Variants in ATXN1 observed in about 807,000 individuals in gnomAD.
ATXN1 encodes ataxin-1.
In ATXN1, 8 loss-of-function variants were observed where a neutral mutation model predicts 56.4. The ratio of observed to expected loss-of-function variants is 0.14; its 90% confidence interval spans 0.08 to 0.26. The LOEUF is 0.26. ATXN1 is among the 10% of genes least tolerant of loss of function. The pLI, the probability that ATXN1 is intolerant of heterozygous loss-of-function variation, is 1.00. For synonymous variants in ATXN1, 514 were observed against 494.6 expected, an observed-to-expected ratio of 1.04 and a Z score of -0.52; for missense variants, 987 against 1,106.5, an observed-to-expected ratio of 0.89 and a Z score of 1.53.
intron 2 of ATXN1, among the ~76,000 whole-genome samples, chr6:16,711,519 A>G (rs1294711838): frequency 6.6e-6 from 1 of 152,066 alleles, no homozygotes; most frequent in East Asian, 1.9e-4. Flanking sequence ...CAGACTATAT[A>G]AAGAACTCAT....
At chr6:16,443,965 G>T (rs1438972949) in intron 6 of ATXN1, among the ~76,000 whole-genome samples, 1 of 152,056 alleles carries the variant, frequency 6.6e-6, no homozygotes, top group Non-Finnish European at 1.5e-5. Flanking sequence ...AAACAGAAAA[G>T]ATTAGCCAGG....
intron 5 of ATXN1, among the ~76,000 whole-genome samples, chr6:16,502,764 G>A (rs1760908360): frequency 6.6e-6 from 1 of 152,086 alleles, no homozygotes; most frequent in East Asian, 1.9e-4. Context: ...AGAATAAAAG[G>A]CAAGTTATAT....
Position 16,327,699 on chromosome 6 carries a change from C to CTGATGCTGA in ATXN1, c.611_612insTCAGCATCA (p.Gln203_Gln204insHisGlnHis). ...GCTGATGCTGATGCTGCTGCTGCTGCTGCTGCTGCTGCTGCTGCTGCTGCT... is the reference window on the plus strand; with the variant it reads ...GCTGATGCTGATGCTGCTGCTGCTGCTGATGCTGATGCTGCTGCTGCTGCTGCTGCTGCT... On this transcript the variant is annotated inframe_insertion, in exon 7 of 8. Coordinates refer to ENST00000436367, the MANE Select transcript of ATXN1 (RefSeq NM_001128164.2). 6.3e-7 allele frequency: 1 copy of CTGATGCTGA among 1,596,244 alleles called. No homozygotes were observed. The highest frequency in any genetic ancestry group is 1.7e-5 in the Admixed American group (1 of 59,260).
In ATXN1 at chr6:16,410,194, C is replaced by T. The variant is rs143758741; in HGVS notation, c.-161+75778G>A. The stretch of plus-strand genomic sequence containing the variant: ...CCGTGTGAATCACAGCATCTAGCGG[C>T]CCTCCTTCCCCCTTACTATGACTTC... On this transcript the variant is annotated intron_variant, in intron 6 of 7. Transcript: ENST00000436367. The surrounding 1 kb of genome is among the most constrained non-coding windows in gnomAD (Gnocchi z 4.6). 3.5e-3 allele frequency among the ~76,000 whole-genome samples: 535 copies of T among 152,304 alleles called. 2 individuals carry two copies. Among genetic ancestry groups the T allele is most frequent in the African/African-American group, 0.012 (509 of 41,558 alleles).
chr6:16,645,225 G>A (rs1298721857), intron 3 of ATXN1, among the ~76,000 whole-genome samples: 1 of 152,214 alleles, frequency 6.6e-6, no homozygotes, highest in East Asian at 1.9e-4. Context: ...CGCCCAAACT[G>A]CATCTACTGT....
At chr6:16,632,289 T>C (rs1008790425) in intron 3 of ATXN1, among the ~76,000 whole-genome samples, 1 of 152,160 alleles carries the variant, frequency 6.6e-6, no homozygotes, top group Admixed American at 6.5e-5. Context: ...AAAGGGGACC[T>C]TGCAACGTTT....
chr6:16,540,945 G>C (rs173139), intron 4 of ATXN1, among the ~76,000 whole-genome samples: 109,328 of 152,114 alleles, frequency 0.72, 40,255 homozygotes, highest in African/African-American at 0.86. Flanking sequence ...AACTTGTTTT[G>C]AAATAAGGAA....
At chr6:16,604,827 C>T (rs1271486097) in intron 3 of ATXN1, among the ~76,000 whole-genome samples, 1 of 152,044 alleles carries the variant, frequency 6.6e-6, no homozygotes, top group Non-Finnish European at 1.5e-5. Context: ...CCTAAGCAAT[C>T]CTCCCACTTT....
At chr6:16,664,325 T>G (rs1758382543) in intron 2 of ATXN1, among the ~76,000 whole-genome samples, 1 of 152,188 alleles carries the variant, frequency 6.6e-6, no homozygotes, top group South Asian at 2.1e-4. Context: ...GCAAGTGAAT[T>G]TTATAGGCCT....
chr6:16,753,837 G>C (rs1760800295), intron 1 of ATXN1, among the ~76,000 whole-genome samples: 1 of 152,214 alleles, frequency 6.6e-6, no homozygotes, highest in East Asian at 1.9e-4. Context: ...TAGAAGAAAG[G>C]AAAAAATGCA....
At chr6:16,487,446 T>G (rs1257826363) in intron 5 of ATXN1, among the ~76,000 whole-genome samples, 1 of 152,108 alleles carries the variant, frequency 6.6e-6, no homozygotes, top group East Asian at 1.9e-4. Context: ...AATAAAGAAC[T>G]AATAAAAAAT....
intron 2 of ATXN1, among the ~76,000 whole-genome samples, chr6:16,729,105 T>G (rs143670692): frequency 2.8e-3 from 431 of 152,328 alleles, no homozygotes; most frequent in African/African-American, 0.01. Flanking sequence ...CTCTGGCAAC[T>G]GAGAATGGGT....
intron 5 of ATXN1, among the ~76,000 whole-genome samples, chr6:16,500,924 A>G (rs1467822363): frequency 6.6e-6 from 1 of 152,242 alleles, no homozygotes; most frequent in Non-Finnish European, 1.5e-5. Flanking sequence ...CAATTTCCAC[A>G]TAATATCATC....
At chr6:16,550,452 C>T (rs1015312547) in intron 4 of ATXN1, among the ~76,000 whole-genome samples, 1 of 152,216 alleles carries the variant, frequency 6.6e-6, no homozygotes, top group African/African-American at 2.4e-5. Context: ...AATCCAAATA[C>T]ATTTTGATCT....
intron 4 of ATXN1, among the ~76,000 whole-genome samples, chr6:16,581,321 G>T (rs1489617331): frequency 6.6e-6 from 1 of 151,718 alleles, no homozygotes; most frequent in Non-Finnish European, 1.5e-5. Context: ...AAAGAAAGAA[G>T]AAAACATCTG....
At position 16,327,236 on chromosome 6, in the gene ATXN1, T is replaced by G; in HGVS notation, c.1075A>C (p.Arg359=). ...GKSVPHPYES[R]HVVVHPSPSD... ...GGGCTCGGGTGGACCACCACGTGCC[T>G]GGACTCGTACGGGTGAGGAACCGAC... The change falls in exon 7 of 8, where the codon AGG becomes CGG. Residue 359 remains arginine, a synonymous_variant. Transcript: ENST00000436367. 1 of 1,613,492 alleles carries G rather than the reference T, an allele frequency of 6.2e-7. No individual in the cohort carries two copies.
At chr6:16,607,952 C>T (rs949645324) in intron 3 of ATXN1, among the ~76,000 whole-genome samples, 1 of 152,210 alleles carries the variant, frequency 6.6e-6, no homozygotes, top group African/African-American at 2.4e-5. Flanking sequence ...TTATGACATC[C>T]ACTTCCCATA....
chr6:16,500,616 C>T (rs748542623), intron 5 of ATXN1, among the ~76,000 whole-genome samples: 2 of 151,528 alleles, frequency 1.3e-5, no homozygotes, highest in Non-Finnish European at 2.9e-5. Context: ...AAGGGTATAT[C>T]TGAATTGAGA....
intron 5 of ATXN1, among the ~76,000 whole-genome samples, chr6:16,489,733 G>T (rs1253478798): frequency 1.3e-5 from 2 of 152,106 alleles, no homozygotes; most frequent in African/African-American, 4.8e-5. Context: ...CAGGAAGGTG[G>T]CTTGAGCTCA....
Sources: gnomAD v4.1 joint callset for allele counts (sites outside exome capture counted in the v4.1 genomes callset) on GRCh38, gnomAD v4.1.1 for gene constraint, Gnocchi (gnomAD v3.1) non-coding constraint, MANE v1.5 for transcripts, NCBI Gene and HGNC (gene_info 2026-07-23, HGNC 2026-07-21) for gene names.